The following BRSK2 variants were observed in gnomAD, a reference collection of about 807,000 sequenced individuals.
BRSK2 encodes BR serine/threonine kinase 2.
In BRSK2, 19 loss-of-function variants were observed where a neutral mutation model predicts 83.3. The ratio of observed to expected loss-of-function variants is 0.23; its 90% CI spans 0.16 to 0.33. The LOEUF is 0.33. Among genes scored for constraint, BRSK2 ranks in the 10% least tolerant of loss-of-function variants. The probability of loss-of-function intolerance (pLI) is 1.00; values close to 1 mark genes in which losing one functional copy is unlikely to be tolerated. For missense variants in BRSK2, 798 were observed against 1,042.3 expected (o/e 0.77, Z 3.23); for synonymous variants, 519 against 435.4 (o/e 1.19, Z -2.39).
Position 1,460,732 on chromosome 11 carries a change from G to GCCCC in BRSK2, c.*17_*20dup, listed in dbSNP as rs34875491. The GCCCC allele has an allele frequency of 3.2e-5, 42 of 1,310,978 alleles. No individual in the cohort carries two copies. The highest frequency in any genetic ancestry group is 1.1e-4 in the South Asian group (7 of 62,678). The allele number at this position is 1,310,978 out of a possible 1,614,324, so 81.2% of individuals were successfully genotyped here. On this transcript the variant is annotated 3_prime_UTR_variant, in exon 20 of 20. Transcript: ENST00000528841. ...GCCGCGAGCAGCCTTAGACACACTAGCCCCCCCCCCCAGCACAGCACTGAC... is the reference window on the plus strand; with the variant it reads ...GCCGCGAGCAGCCTTAGACACACTAGCCCCCCCCCCCCCCCAGCACAGCACTGAC...
intron 4 of BRSK2, among the ~76,000 whole-genome samples, 187 bp downstream of exon 4, chr11:1,441,115 C>G (rs573619930): frequency 1.4e-5 from 2 of 144,190 alleles, no homozygotes; most frequent in African/African-American, 5.2e-5. Context: ...CTCAAGTGCA[C>G]TGTCCCCTCC....
intron 5 of BRSK2, 66 bp from the exon 6 acceptor site, chr11:1,443,040 A>G (rs1008577645): frequency 1.0e-5 from 15 of 1,503,756 alleles, no homozygotes; most frequent in East Asian, 2.5e-5. Flanking sequence ...GCGGTGCACC[A>G]TCACCCTGGG....
At chr11:1,443,957 C>T (rs1338780338) in intron 8 of BRSK2, among the ~76,000 whole-genome samples, 1 of 152,038 alleles carries the variant, frequency 6.6e-6, no homozygotes, top group Non-Finnish European at 1.5e-5. Flanking sequence ...GGTGTGTGTT[C>T]AAGGGTGTGG....
At chr11:1,402,575 C>G (rs1590323554) in intron 1 of BRSK2, among the ~76,000 whole-genome samples, 1 of 152,218 alleles carries the variant, frequency 6.6e-6, no homozygotes, top group South Asian at 2.1e-4. Context: ...AGCCAGCCCT[C>G]CTGACTCCTC....
intron 12 of BRSK2, 91 bp downstream of exon 12, chr11:1,445,998 G>C: frequency 6.8e-7 from 1 of 1,469,308 alleles, no homozygotes; most frequent in Admixed American, 2.3e-5. Context: ...TTGGCCTGGG[G>C]TCTCGGCTGA....
In BRSK2 at chr11:1,454,818, G is replaced by T. The variant is rs1434412845; in HGVS notation, c.1668+210G>T. ...GGAGGGGTCACTGCCCATCTGGGGTGCTTGGCCTGCGGAGGGAGTCAGGGC... is the reference window on the plus strand; with the variant it reads ...GGAGGGGTCACTGCCCATCTGGGGTTCTTGGCCTGCGGAGGGAGTCAGGGC... On this transcript the variant is annotated intron_variant, in intron 16 of 19. Transcript: ENST00000528841. This position sits in a 1 kb window ranked among gnomAD's most constrained non-coding sequence, Gnocchi z 5.2. 6.6e-6 allele frequency among the ~76,000 whole-genome samples: 1 copy of T among 152,216 alleles called. No homozygotes were observed.
intron 15 of BRSK2, among the ~76,000 whole-genome samples, chr11:1,453,400 G>A (rs1327012463): frequency 1.3e-5 from 2 of 152,214 alleles, no homozygotes; most frequent in African/African-American, 2.4e-5. Context: ...GCAGAACATC[G>A]ACCATGTAGA....
chr11:1,435,008 G>A (rs991225931), intron 1 of BRSK2, among the ~76,000 whole-genome samples: 42 of 151,780 alleles, frequency 2.8e-4, no homozygotes, highest in African/African-American at 8.9e-4. Flanking sequence ...GGGCCGAGGC[G>A]CGGAGGGGGA....
At chr11:1,435,948 C>T (rs1850246717) in intron 1 of BRSK2, 92 bp from the exon 2 acceptor site, 6 of 926,516 alleles carry the variant, frequency 6.5e-6, no homozygotes, top group Admixed American at 4.8e-5. Context: ...CTGTCCAGGA[C>T]GTGGGAGGAG....
rs1459288302 is a variant in BRSK2, at chr11:1,390,177, C to T, written c.-108C>T. The T allele has an allele frequency of 2.1e-6, 1 of 480,060 alleles. No individual in the cohort carries two copies. The highest frequency in any genetic ancestry group is 2.2e-5 in the African/African-American group (1 of 46,238). 29.7% of individuals were successfully genotyped at this position (480,060 alleles called of 1,614,324 possible). A position where few individuals can be genotyped will look rare whatever the true frequency, so the allele number is the denominator to read the frequency against. ...GAAGCAGCGGGGCCCGCGGGGGCGC[C>T]CCGGCCGGGTCGGCGCGGACGGCAC... is the stretch of plus-strand genomic sequence containing the variant. On this transcript the variant is annotated 5_prime_UTR_variant, in exon 1 of 20. Coordinates refer to ENST00000528841, the MANE Select transcript of BRSK2 (RefSeq NM_001256627.2). This position sits in a 1 kb window ranked among gnomAD's most constrained non-coding sequence, Gnocchi z 6.8.
chr11:1,424,814 C>T (rs1849014341), intron 1 of BRSK2, among the ~76,000 whole-genome samples: 2 of 151,838 alleles, frequency 1.3e-5, no homozygotes, highest in African/African-American at 2.4e-5. Flanking sequence ...CTCCCTGGGA[C>T]CTACTGGCGG....
At chr11:1,420,743 C>T (rs1028376393) in intron 1 of BRSK2, among the ~76,000 whole-genome samples, 6 of 152,240 alleles carry the variant, frequency 3.9e-5, no homozygotes, top group African/African-American at 1.2e-4. Flanking sequence ...CTGTCACCCT[C>T]TTTGTGGCCT....
chr11:1,416,485 G>A (rs900677997), intron 1 of BRSK2, among the ~76,000 whole-genome samples: 163 of 152,246 alleles, frequency 1.1e-3, no homozygotes, highest in Non-Finnish European at 1.6e-3. Context: ...CACCTCCCTC[G>A]GACCGAAGGG....
chr11:1,409,983 G>A (rs1268735959), intron 1 of BRSK2: 1 of 59,696 alleles, frequency 1.7e-5, no homozygotes, highest in East Asian at 5.5e-4. Flanking sequence ...TGGGGGGTTT[G>A]TGACGAGTCC....
At chr11:1,429,260 GGT>G (rs776578388) in intron 1 of BRSK2, among the ~76,000 whole-genome samples, 1 of 108,556 alleles carries the variant, frequency 9.2e-6, no homozygotes, top group Non-Finnish European at 1.7e-5. Context: ...CATGTGCACA[GGT>G]GTGTGTGCAC....
chr11:1,454,469 G>A lies in BRSK2; in HGVS notation c.1545-16G>A, dbSNP rs1846230249. On this transcript the variant is annotated splice_polypyrimidine_tract_variant and intron_variant, in intron 15 of 19. Transcript: ENST00000528841. This position sits in a 1 kb window ranked among gnomAD's most constrained non-coding sequence, Gnocchi z 5.2. ...CCACACCTCAATCCTCACAGCCTCT[G>A]TCTCCCACTGCCCAGGCTGGCGAAG... 1.9e-6 allele frequency: 3 copies of A among 1,612,668 alleles called. No homozygotes were observed. In the South Asian group the frequency reaches 3.3e-5, roughly 18 times the overall value.
rs1415873141 is a variant in BRSK2 at position 1,390,815 on chromosome 11, C to A, written c.91+440C>A. 1.3e-5 allele frequency among the ~76,000 whole-genome samples: 2 copies of A among 152,108 alleles called. No individual in the cohort carries two copies. Among genetic ancestry groups the A allele is most frequent in the Admixed American group, 1.3e-4 (2 of 15,276 alleles). The stretch of plus-strand genomic sequence containing the variant: ...AGCAGCTGCGCCCCCGGCGGGACTC[C>A]CACCTCCGCGCGCCGGCCACCGGGG... On this transcript the variant is annotated intron_variant, in intron 1 of 19. Transcript: ENST00000528841. The surrounding 1 kb of genome is among the most constrained non-coding windows in gnomAD (Gnocchi z 6.8).
chr11:1,411,637 C>T (rs773454095), intron 1 of BRSK2: 29 of 1,541,682 alleles, frequency 1.9e-5, no homozygotes, highest in African/African-American at 2.7e-5. Context: ...CCAGCAGGTG[C>T]GTGCCACGCT....
chr11:1,407,523 G>C (rs1846973529), intron 1 of BRSK2, among the ~76,000 whole-genome samples: 1 of 152,078 alleles, frequency 6.6e-6, no homozygotes, highest in South Asian at 2.1e-4. Flanking sequence ...ACCCCCAGGA[G>C]ACCCCTTCCT....
Sources: gnomAD v4.1 joint callset for allele counts (sites outside exome capture counted in the v4.1 genomes callset) on GRCh38, gnomAD v4.1.1 for gene constraint, Gnocchi (gnomAD v3.1) non-coding constraint, MANE v1.5 for transcripts, NCBI Gene and HGNC (gene_info 2026-07-23, HGNC 2026-07-21) for gene names.